Variants in ZFAND4 observed in about 807,000 individuals in gnomAD.
The protein encoded by ZFAND4 is AN1-type zinc finger protein 4.
A neutral mutation model predicts 64.4 loss-of-function variants in ZFAND4; 43 were observed. The observed-to-expected ratio is 0.67, with a 90% CI of 0.52 to 0.86. ZFAND4 has a LOEUF of 0.86. Among genes scored for constraint, ZFAND4 ranks in the 40% least tolerant of loss-of-function variants. The pLI is 0.00. For missense variants in ZFAND4, 929 were observed against 859.8 expected (o/e 1.08, Z -1.01); for synonymous variants, 296 against 305.7 (o/e 0.97, Z 0.33).
At chr10:45,656,501 C>CAAAA (rs541781976) in intron 2 of ZFAND4, among the ~76,000 whole-genome samples, 14 of 24,682 alleles carry the variant, frequency 5.7e-4, no homozygotes, top group African/African-American at 9.7e-4. Context: ...GAACCTGTCT[C>CAAAA]AAAAAAAAAA....
At chr10:45,631,900 A>C (rs2046249214) in intron 6 of ZFAND4, among the ~76,000 whole-genome samples, 1 of 152,238 alleles carries the variant, frequency 6.6e-6, no homozygotes, top group African/African-American at 2.4e-5. Flanking sequence ...ATCATACATA[A>C]TGGTAAAAAC....
At chr10:45,627,951 G>A (rs1249636498) in intron 6 of ZFAND4, among the ~76,000 whole-genome samples, 1 of 152,126 alleles carries the variant, frequency 6.6e-6, no homozygotes, top group East Asian at 1.9e-4. Context: ...TCTTTTTGCT[G>A]TAATAAGTAC....
chr10:45,635,216 A>C lies in ZFAND4; in HGVS notation c.717+4600T>G, dbSNP rs1356019395. ...TAAGCAAAAAAAAAAAAAAAAAACA[A>C]AAAAAAAACAAACAAAAAAAAACTG... On this transcript the variant is annotated intron_variant, in intron 6 of 9. Transcript: ENST00000344646. 3.5e-3 allele frequency among the ~76,000 whole-genome samples: 483 copies of C among 139,450 alleles called. 9 individuals are homozygous for C. The highest frequency in any genetic ancestry group is 0.013 in the African/African-American group (443 of 34,110). 91.5% of individuals were successfully genotyped at this position (139,450 alleles called of 152,430 possible).
chr10:45,671,931 G>A (rs1239028530), intron 1 of ZFAND4, among the ~76,000 whole-genome samples: 2 of 152,094 alleles, frequency 1.3e-5, no homozygotes, highest in African/African-American at 4.8e-5. Context: ...ACAGGCAATA[G>A]CGCTGAATAC....
In ZFAND4 at chr10:45,624,627, C is replaced by T. The variant is rs144671776; in HGVS notation, c.1883G>A (p.Gly628Asp). Residue 628 changes from glycine (G) to aspartate (D), a missense_variant, in exon 8 of 10, where the codon GGT (glycine) becomes GAT (aspartate). Physicochemically the swap from Gly to Asp is moderately conservative, Grantham distance 94. Transcript: ENST00000344646. ...TGCATTATTTCCATTCATTCCAACA[C>T]CATGGGTAGACTACAATTAAAACAC... ...EHTGVFLSTH[G>D]VGMNGNNAAA... is the part of the protein sequence containing the mutation. 3.1e-6 allele frequency: 5 copies of T among 1,613,612 alleles called. No homozygotes were observed.
At chr10:45,622,572 A>C (rs1438825024) in intron 8 of ZFAND4, among the ~76,000 whole-genome samples, 1 of 152,234 alleles carries the variant, frequency 6.6e-6, no homozygotes, top group Non-Finnish European at 1.5e-5. Flanking sequence ...CTGAGATAGC[A>C]CCTGTCAAAA....
intron 6 of ZFAND4, among the ~76,000 whole-genome samples, chr10:45,638,504 A>G (rs947576223): frequency 1.3e-5 from 2 of 151,360 alleles, no homozygotes; most frequent in Admixed American, 6.6e-5. Context: ...ACAAAAAACA[A>G]AAAAACAAAA....
At chr10:45,625,868 T>C (rs1328810970) in intron 7 of ZFAND4, 83 bp downstream of exon 7, 1 of 1,261,980 alleles carries the variant, frequency 7.9e-7, no homozygotes, top group Non-Finnish European at 1.1e-6. Flanking sequence ...CCTTCCTTAT[T>C]TATGTAAACA....
At chr10:45,634,214 T>C (rs774264594) in intron 6 of ZFAND4, among the ~76,000 whole-genome samples, 54 of 152,298 alleles carry the variant, frequency 3.5e-4, no homozygotes, top group Admixed American at 9.8e-4. Flanking sequence ...TCTAGTCTTA[T>C]AACATTTCTA....
intron 6 of ZFAND4, among the ~76,000 whole-genome samples, chr10:45,628,547 G>C (rs1033844371): frequency 7.2e-5 from 11 of 152,264 alleles, no homozygotes; most frequent in African/African-American, 2.6e-4. Flanking sequence ...GACCTCAGGT[G>C]ATTCACCCAT....
intron 6 of ZFAND4, among the ~76,000 whole-genome samples, chr10:45,634,146 G>C (rs1217953569): frequency 6.6e-6 from 1 of 152,164 alleles, no homozygotes; most frequent in Non-Finnish European, 1.5e-5. Context: ...CTTGCACATA[G>C]ATCAGCTAAA....
At chr10:45,648,602 G>A in intron 4 of ZFAND4, 68 bp from the exon 5 acceptor site, 1 of 1,495,558 alleles carries the variant, frequency 6.7e-7, no homozygotes, top group Non-Finnish European at 9.0e-7. Context: ...TACAGTGACA[G>A]GATATAATAT....
In ZFAND4 at chr10:45,661,172, T is replaced by C. The variant is rs533284734; in HGVS notation, c.184+2370A>G. 3.1e-4 allele frequency among the ~76,000 whole-genome samples: 47 copies of C among 152,248 alleles called. 1 individual carries two copies. In the South Asian group the frequency reaches 8.9e-3, roughly 29 times the overall value. Reference sequence around the variant, plus strand: ...AGCACTTCACCTTTAACTCATTTAATCCTGAGAACAACCCTTTGAGATAAA... The same window carrying C: ...AGCACTTCACCTTTAACTCATTTAACCCTGAGAACAACCCTTTGAGATAAA... On this transcript the variant is annotated intron_variant, in intron 2 of 9. Transcript: ENST00000344646.
chr10:45,649,156 CA>C (rs1184760537), intron 4 of ZFAND4: 10,222 of 92,160 alleles, frequency 0.11, 555 homozygotes, highest in African/African-American at 0.23. Flanking sequence ...TGTAGTCCCT[CA>C]AAAAAAAAAA....
intron 2 of ZFAND4, among the ~76,000 whole-genome samples, chr10:45,658,289 T>A (rs1233901581): frequency 6.6e-6 from 1 of 152,202 alleles, no homozygotes; most frequent in African/African-American, 2.4e-5. Flanking sequence ...ACCAGGGTGA[T>A]GCCTTGAATA....
Position 45,626,206 on chromosome 10 carries a change from A to G in ZFAND4, c.1617T>C (p.Asp539=). 2 of 1,614,214 alleles carry G rather than the reference A, an allele frequency of 1.2e-6. No individual in the cohort carries two copies. The highest frequency in any genetic ancestry group is 1.7e-6 in the Non-Finnish European group (2 of 1,180,030). Residue 539 remains aspartate, a synonymous_variant, in exon 7 of 10, where the codon GAT becomes GAC. Transcript: ENST00000344646. ...CCCGAGCCTCAACTTTGGAAATAAC[A>G]TCAGATCTTTTCCCAAGTGAATCAA... The part of the protein sequence containing the change: ...VKVDSLGKRS[D]VISKVEARDI...
chr10:45,622,613 C>T (rs532165100), intron 8 of ZFAND4, among the ~76,000 whole-genome samples: 88 of 152,318 alleles, frequency 5.8e-4, no homozygotes, highest in Non-Finnish European at 1.1e-3. Context: ...GATTGTGGAT[C>T]TTCAGATAAA....
At chr10:45,635,181 C>A (rs2046467338) in intron 6 of ZFAND4, among the ~76,000 whole-genome samples, 3 of 20,078 alleles carry the variant, frequency 1.5e-4, no homozygotes, top group Non-Finnish European at 2.9e-4. Flanking sequence ...ACAGAATAGT[C>A]AAAGCCATCT....
intron 1 of ZFAND4, among the ~76,000 whole-genome samples, chr10:45,671,499 C>T (rs903734356): frequency 1.3e-4 from 18 of 142,796 alleles, no homozygotes; most frequent in Non-Finnish European, 2.7e-4. Flanking sequence ...ACTATGCAGC[C>T]ATAAAAAAAG....
Sources: gnomAD v4.1 joint callset for allele counts (sites outside exome capture counted in the v4.1 genomes callset) on GRCh38, gnomAD v4.1.1 for gene constraint, MANE v1.5 for transcripts, NCBI Gene and HGNC (gene_info 2026-07-23, HGNC 2026-07-21) for gene names.